TDRD7: variants seen among roughly 807,000 people sequenced by gnomAD.
The protein encoded by TDRD7 is tudor domain-containing protein 7.
TDRD7 carries 47 observed loss-of-function variants against 109.8 expected under a neutral mutation model. The ratio of observed to expected loss-of-function variants is 0.43; its 90% CI spans 0.34 to 0.55. The LOEUF (loss-of-function observed/expected upper bound fraction) is 0.55, where lower values mean the gene tolerates loss of function less well. Ranked by LOEUF, TDRD7 falls within the 20% of genes least tolerant of loss-of-function variation. The pLI is 0.03. For synonymous variants in TDRD7, 424 were observed against 457.3 expected (o/e 0.93, Z 0.93); for missense variants, 1,164 against 1,319.2 (o/e 0.88, Z 1.82).
chr9:97,463,813 A>G (rs964581293), intron 7 of TDRD7, among the ~76,000 whole-genome samples: 1 of 152,258 alleles, frequency 6.6e-6, no homozygotes, highest in African/African-American at 2.4e-5. Flanking sequence ...AAGTGTAGAA[A>G]GGAATAAGGA....
In TDRD7 at chr9:97,412,401, C is replaced by T. The variant is rs1827731195; in HGVS notation, c.-7+163C>T. On this transcript the variant is annotated intron_variant, in intron 1 of 16. Transcript: ENST00000355295. This position sits in a 1 kb window ranked among gnomAD's most constrained non-coding sequence, Gnocchi z 4.3. Reference sequence around the variant, plus strand: ...TCCCTGCAGCCGCAGGGGATTGCCCCCGCCCCGACGCCTGGGAACCGGGCT... The same window carrying T: ...TCCCTGCAGCCGCAGGGGATTGCCCTCGCCCCGACGCCTGGGAACCGGGCT... 6.6e-6 allele frequency among the ~76,000 whole-genome samples: 1 copy of T among 152,172 alleles called. No individual in the cohort carries two copies. Among genetic ancestry groups the T allele is most frequent in the Admixed American group, 6.5e-5 (1 of 15,286 alleles).
intron 6 of TDRD7, among the ~76,000 whole-genome samples, chr9:97,450,702 A>G (rs1215130459): frequency 6.6e-6 from 1 of 152,150 alleles, no homozygotes. Flanking sequence ...TCCTAAACCT[A>G]TTTGCCAGAA....
chr9:97,475,550 T>C, intron 12 of TDRD7, 81 bp downstream of exon 12: 1 of 980,908 alleles, frequency 1.0e-6, no homozygotes, highest in Non-Finnish European at 1.6e-6. Context: ...TTTAAAAAAT[T>C]GAATAAATAC....
intron 6 of TDRD7, among the ~76,000 whole-genome samples, chr9:97,457,009 G>T (rs551451637): frequency 1.3e-5 from 2 of 152,060 alleles, no homozygotes; most frequent in South Asian, 4.1e-4. Flanking sequence ...GTGGGCAAAG[G>T]GTATGAACAG....
intron 6 of TDRD7, 45 bp from the exon 7 acceptor site, chr9:97,460,133 A>G (rs771537786): frequency 6.5e-7 from 1 of 1,535,092 alleles, no homozygotes; most frequent in Non-Finnish European, 9.0e-7. Context: ...TGGGTTGTTT[A>G]TAGTCACTGA....
chr9:97,482,781 A>G lies in TDRD7; in HGVS notation c.2413-68A>G. 4 of 1,529,948 alleles carry G rather than the reference A, an allele frequency of 2.6e-6. No individual in the cohort carries two copies. The South Asian group carries it at 4.6e-5, about 18-fold the overall frequency. 94.8% of individuals were successfully genotyped at this position (1,529,948 alleles called of 1,614,324 possible). ...ATACTGTGTTTTAATGATTAAGGTT[A>G]CTATAACTGCCTCTCAAAATTTAAT... On this transcript the variant is annotated intron_variant, in intron 14 of 16. Transcript: ENST00000355295.
At chr9:97,451,216 G>A (rs536657535) in intron 6 of TDRD7, among the ~76,000 whole-genome samples, 49 of 152,060 alleles carry the variant, frequency 3.2e-4, no homozygotes, top group Non-Finnish European at 4.1e-4. Context: ...TCCGGCATAC[G>A]TCACACTAAG....
At chr9:97,430,003 T>C (rs1024554203) in intron 2 of TDRD7, among the ~76,000 whole-genome samples, 2 of 152,204 alleles carry the variant, frequency 1.3e-5, no homozygotes, top group African/African-American at 4.8e-5. Context: ...TTTTAAATTA[T>C]GTTCTTGTAA....
At chr9:97,445,825 T>C (rs1828390818) in intron 6 of TDRD7, among the ~76,000 whole-genome samples, 1 of 152,112 alleles carries the variant, frequency 6.6e-6, no homozygotes, top group Non-Finnish European at 1.5e-5. Flanking sequence ...CTTTGATTTC[T>C]AGAAAAATTA....
chr9:97,490,519 T>C (rs921198803), intron 16 of TDRD7, among the ~76,000 whole-genome samples: 1 of 144,370 alleles, frequency 6.9e-6, no homozygotes, highest in African/African-American at 2.5e-5. Context: ...TTTCTAAAGT[T>C]TGAATGTGAT....
chr9:97,475,352 A>C, intron 11 of TDRD7, 31 bp from the exon 12 acceptor site: 1 of 1,527,386 alleles, frequency 6.5e-7, no homozygotes, highest in Non-Finnish European at 9.1e-7. Context: ...TGCTAAGAGT[A>C]ATAAGAGTAT....
intron 7 of TDRD7, 37 bp downstream of exon 7, chr9:97,460,801 T>C (rs1469530867): frequency 5.7e-6 from 9 of 1,573,416 alleles, no homozygotes; most frequent in African/African-American, 1.3e-5. Flanking sequence ...GATTCTGATA[T>C]ACTTTTGTCA....
chr9:97,464,772 A>G, intron 7 of TDRD7, 70 bp from the exon 8 acceptor site: 1 of 1,586,256 alleles, frequency 6.3e-7, no homozygotes, highest in East Asian at 2.2e-5. Flanking sequence ...AAGAAGGACA[A>G]AAACGAATTC....
In TDRD7 at chr9:97,420,223, CAT is replaced by C. The variant is rs1827876275; in HGVS notation, c.-7+7987_-7+7988del. ...GAATGAACTGAGTTAAATGCAGTAACATAGATGGAACACAAAGCACTAGGCAA... is the reference window on the plus strand; with the variant it reads ...GAATGAACTGAGTTAAATGCAGTAACAGATGGAACACAAAGCACTAGGCAA... On this transcript the variant is annotated intron_variant, in intron 1 of 16. Coordinates refer to ENST00000355295, the MANE Select transcript of TDRD7 (RefSeq NM_014290.3). Among the ~76,000 whole-genome samples the C allele has an allele frequency of 3.9e-5, 6 of 152,022 alleles. No homozygotes were observed. The South Asian group carries it at 1.2e-3, about 32-fold the overall frequency.
chr9:97,431,196 G>GATCTTTCCCC, intron 3 of TDRD7, 122 bp downstream of exon 3: 1 of 1,436,088 alleles, frequency 7.0e-7, no homozygotes, highest in Non-Finnish European at 9.7e-7. Context: ...CATATGTCAG[G>GATCTTTCCCC]GGAAAGATCC....
intron 11 of TDRD7, 152 bp downstream of exon 11, chr9:97,473,778 C>T (rs1828962964): frequency 4.0e-6 from 4 of 1,003,478 alleles, no homozygotes; most frequent in Non-Finnish European, 5.9e-6. Context: ...TAAAGAGCTC[C>T]AGACTTCAGA....
intron 6 of TDRD7, among the ~76,000 whole-genome samples, chr9:97,458,981 G>A (rs1251591653): frequency 2.0e-5 from 3 of 152,140 alleles, no homozygotes; most frequent in African/African-American, 7.2e-5. Context: ...TCTTCTGGGT[G>A]GACCATGGTT....
intron 11 of TDRD7, among the ~76,000 whole-genome samples, chr9:97,473,908 C>T (rs145855820): frequency 3.3e-5 from 5 of 152,272 alleles, no homozygotes; most frequent in East Asian, 1.9e-4. Flanking sequence ...GCACAGCAAT[C>T]GGTAGATGTG....
At position 97,473,584 on chromosome 9, in the gene TDRD7, C is replaced by T. The variant is rs1232295179; in HGVS notation, c.2037C>T (p.Leu679=). 6.2e-7 allele frequency: 1 copy of T among 1,613,808 alleles called. No individual in the cohort carries two copies. Among genetic ancestry groups the T allele is most frequent in the Admixed American group, 1.7e-5 (1 of 59,982 alleles). ...CQVPCKGLNK[L]SDLLRKIEDY... ...TGCCTTGTAAGGGTCTGAACAAGCTCAGTGACCTTCTACGTAAGATAGAGG... is the reference window on the plus strand; with the variant it reads ...TGCCTTGTAAGGGTCTGAACAAGCTTAGTGACCTTCTACGTAAGATAGAGG... The change falls in exon 11 of 17, where the codon CTC becomes CTT. Residue 679 remains leucine, a synonymous_variant. Transcript: ENST00000355295.
Sources: gnomAD v4.1 joint callset for allele counts (sites outside exome capture counted in the v4.1 genomes callset) on GRCh38, gnomAD v4.1.1 for gene constraint, Gnocchi (gnomAD v3.1) non-coding constraint, MANE v1.5 for transcripts, NCBI Gene and HGNC (gene_info 2026-07-23, HGNC 2026-07-21) for gene names.